The following CDH7 variants were observed in gnomAD, a reference collection of about 807,000 sequenced individuals.
CDH7 encodes the protein cadherin 7, also known as cadherin-7.
CDH7 carries 25 observed loss-of-function variants against 71.8 expected under a neutral mutation model. The observed-to-expected ratio is 0.35, with a 90% CI of 0.25 to 0.49. CDH7 has a LOEUF of 0.49. CDH7 is among the 20% of genes least tolerant of loss of function. The pLI is 0.99. For synonymous variants in CDH7, 381 were observed against 363.8 expected, an observed-to-expected ratio of 1.05 and a Z score of -0.54; for missense variants, 862 against 974.6, an observed-to-expected ratio of 0.88 and a Z score of 1.54.
At position 65,789,062 on chromosome 18, in the gene CDH7, T is replaced by C. The variant is rs74429462; in HGVS notation, c.211-20642T>C. Among the ~76,000 whole-genome samples the C allele has an allele frequency of 2.8e-3, 424 of 152,356 alleles. 3 individuals carry two copies. Among genetic ancestry groups the C allele is most frequent in the Middle Eastern group, 0.017 (5 of 294 alleles). Reference sequence around the variant, plus strand: ...TACACCCATGTGGCCATACTGGGGATTTTAAATATGCAAAGAAATATTCTT... The same window carrying C: ...TACACCCATGTGGCCATACTGGGGACTTTAAATATGCAAAGAAATATTCTT... On this transcript the variant is annotated intron_variant, in intron 2 of 11. Transcript: ENST00000397968.
At chr18:65,757,311 T>C (rs1916057472) in intron 1 of CDH7, among the ~76,000 whole-genome samples, 1 of 152,180 alleles carries the variant, frequency 6.6e-6, no homozygotes, top group Non-Finnish European at 1.5e-5. Flanking sequence ...AACAAAATGG[T>C]AGCATGATCA....
At chr18:65,812,028 G>A (rs959159832) in intron 3 of CDH7, among the ~76,000 whole-genome samples, 1 of 129,150 alleles carries the variant, frequency 7.7e-6, no homozygotes, top group Non-Finnish European at 1.6e-5. Flanking sequence ...GAGTGCAGTG[G>A]TGTAATCTTG....
intron 2 of CDH7, among the ~76,000 whole-genome samples, chr18:65,778,852 G>A (rs1910065835): frequency 1.3e-5 from 2 of 151,844 alleles, no homozygotes; most frequent in South Asian, 2.1e-4. Context: ...AATGTTTCTG[G>A]TTCAACTAAT....
At chr18:65,870,317 C>T (rs1372297784) in intron 11 of CDH7, among the ~76,000 whole-genome samples, 1 of 152,128 alleles carries the variant, frequency 6.6e-6, no homozygotes, top group Non-Finnish European at 1.5e-5. Flanking sequence ...CTGCATGAGC[C>T]TCAGATTCCA....
chr18:65,766,303 C>T (rs1487082388), intron 2 of CDH7, among the ~76,000 whole-genome samples: 1 of 152,088 alleles, frequency 6.6e-6, no homozygotes. Flanking sequence ...TTAAATGACT[C>T]TTCAGTCAAT....
At chr18:65,778,191 G>T (rs984363713) in intron 2 of CDH7, among the ~76,000 whole-genome samples, 1 of 143,706 alleles carries the variant, frequency 7.0e-6, no homozygotes, top group Non-Finnish European at 1.5e-5. Context: ...AGAATCCCTT[G>T]AACCCAGGAG....
chr18:65,837,346 G>A (rs1912566155), intron 6 of CDH7, among the ~76,000 whole-genome samples: 1 of 152,142 alleles, frequency 6.6e-6, no homozygotes, highest in South Asian at 2.1e-4. Flanking sequence ...TGGAGGGTGG[G>A]GATCATAGGC....
At chr18:65,873,812 T>C (rs1246006178) in intron 11 of CDH7, among the ~76,000 whole-genome samples, 1 of 152,208 alleles carries the variant, frequency 6.6e-6, no homozygotes, top group African/African-American at 2.4e-5. Flanking sequence ...ATCTCTTATG[T>C]TGGACTTTCT....
chr18:65,752,454 G>GA (rs747279527), intron 1 of CDH7, among the ~76,000 whole-genome samples: 5 of 152,040 alleles, frequency 3.3e-5, no homozygotes, highest in Admixed American at 6.5e-5. Flanking sequence ...AAAGAGCTAA[G>GA]AAAAAAAATT....
intron 11 of CDH7, among the ~76,000 whole-genome samples, chr18:65,879,754 T>C (rs1002310456): frequency 6.6e-6 from 1 of 152,208 alleles, no homozygotes; most frequent in Non-Finnish European, 1.5e-5. Flanking sequence ...AATTTATCTT[T>C]GAGAGTTGCT....
At chr18:65,849,263 T>A (rs1449043250) in intron 7 of CDH7, among the ~76,000 whole-genome samples, 1 of 152,054 alleles carries the variant, frequency 6.6e-6, no homozygotes, top group African/African-American at 2.4e-5. Context: ...TTCATTAGAG[T>A]AGTGTACTTA....
intron 7 of CDH7, among the ~76,000 whole-genome samples, chr18:65,851,005 T>C (rs1476142178): frequency 6.6e-6 from 1 of 151,976 alleles, no homozygotes; most frequent in Admixed American, 6.6e-5. Context: ...GGCTTTGCCA[T>C]GTTGCCTAGG....
intron 2 of CDH7, among the ~76,000 whole-genome samples, chr18:65,788,205 G>A (rs1910582580): frequency 6.6e-6 from 1 of 152,110 alleles, no homozygotes; most frequent in Admixed American, 6.5e-5. Flanking sequence ...TGCAAAGCAT[G>A]GGCTAAAATG....
intron 10 of CDH7, 118 bp from the exon 11 acceptor site, chr18:65,862,548 G>T: frequency 1.0e-6 from 1 of 981,296 alleles, no homozygotes; most frequent in Non-Finnish European, 1.5e-6. Context: ...AAATAAATCT[G>T]CAACTCCAGA....
At chr18:65,788,756 G>C (rs1910600786) in intron 2 of CDH7, among the ~76,000 whole-genome samples, 1 of 152,170 alleles carries the variant, frequency 6.6e-6, no homozygotes, top group Non-Finnish European at 1.5e-5. Flanking sequence ...AAAAAGGAAA[G>C]AGTTATACCT....
intron 7 of CDH7, among the ~76,000 whole-genome samples, chr18:65,855,574 C>A (rs1913324956): frequency 6.6e-6 from 1 of 152,048 alleles, no homozygotes; most frequent in African/African-American, 2.4e-5. Flanking sequence ...CCTAAATAAT[C>A]CCATAACTAT....
intron 7 of CDH7, among the ~76,000 whole-genome samples, chr18:65,844,466 A>C (rs541414272): frequency 6.6e-6 from 1 of 152,124 alleles, no homozygotes; most frequent in Non-Finnish European, 1.5e-5. Context: ...ACTAATTTCT[A>C]AACAAATCAT....
At chr18:65,821,594 T>C (rs1381384171) in intron 4 of CDH7, among the ~76,000 whole-genome samples, 1 of 152,136 alleles carries the variant, frequency 6.6e-6, no homozygotes, top group Non-Finnish European at 1.5e-5. Flanking sequence ...GATGTATGTG[T>C]GTGTTTGTGT....
In CDH7 at chr18:65,880,622, C is replaced by T. The variant is rs1321652368; in HGVS notation, c.2086C>T (p.Pro696Ser). The T allele has an allele frequency of 1.9e-6, 3 of 1,613,820 alleles. No homozygotes were observed. The highest frequency in any genetic ancestry group is 1.7e-6 in the Non-Finnish European group (2 of 1,179,960). The change falls in exon 12 of 12, where the codon CCA becomes TCA. Residue 696 changes from proline (P) to serine (S), a missense_variant. By Grantham distance (74) the Pro-to-Ser change is moderately conservative. Transcript: ENST00000397968. ...TCCAGAAATTCAATTCCTGAGTCGA[C>T]CAGCTTTTAAAAGCATCCCAGATAA... ...VTPEIQFLSR[P>S]AFKSIPDNVI... is the part of the protein sequence containing the mutation.
Sources: gnomAD v4.1 joint callset for allele counts (sites outside exome capture counted in the v4.1 genomes callset) on GRCh38, gnomAD v4.1.1 for gene constraint, MANE v1.5 for transcripts, NCBI Gene and HGNC (gene_info 2026-07-23, HGNC 2026-07-21) for gene names.